The following LRRC37A3 variants were observed in gnomAD, a reference collection of about 807,000 sequenced individuals.
LRRC37A3 encodes the protein leucine rich repeat containing 37 member A3, also known as leucine-rich repeat-containing protein 37A3.
A neutral mutation model predicts 106.2 loss-of-function variants in LRRC37A3; 25 were observed. The observed-to-expected ratio is 0.24, with a 90% CI of 0.17 to 0.33. LRRC37A3 has a LOEUF of 0.33. Among genes scored for constraint, LRRC37A3 ranks in the 10% least tolerant of loss-of-function variants. The pLI is 1.00. For synonymous variants in LRRC37A3, 305 were observed against 635.8 expected, an observed-to-expected ratio of 0.48 and a Z score of 7.83; for missense variants, 712 against 1,644.9, an observed-to-expected ratio of 0.43 and a Z score of 9.81.
intron 10 of LRRC37A3, among the ~76,000 whole-genome samples, chr17:64,865,021 C>A (rs1404499568): frequency 6.6e-6 from 1 of 152,230 alleles, no homozygotes; most frequent in African/African-American, 2.4e-5. Flanking sequence ...TATAAAGGAA[C>A]AATCACAAGT....
At chr17:64,885,385 G>A (rs1300586763) in intron 8 of LRRC37A3, among the ~76,000 whole-genome samples, 2 of 150,870 alleles carry the variant, frequency 1.3e-5, no homozygotes, top group East Asian at 4.0e-4. Context: ...CGATAGCTAG[G>A]ATCACAGGTG....
chr17:64,867,769 TC>T (rs1051443330), intron 10 of LRRC37A3, among the ~76,000 whole-genome samples: 29 of 152,000 alleles, frequency 1.9e-4, no homozygotes, highest in African/African-American at 5.8e-4. Context: ...TAGCATAATC[TC>T]AAAAAAAATT....
Position 64,917,882 on chromosome 17 carries a change from C to T in LRRC37A3, c.-496+868G>A, listed in dbSNP as rs1974741997. On this transcript the variant is annotated intron_variant, in intron 2 of 14. Transcript: ENST00000584306. Reference sequence around the variant, plus strand: ...ACTCAGGAGGCTGAGACAGGAGAATCGCTTGAACCTGGGAAGCGGAGGTTG... The same window carrying T: ...ACTCAGGAGGCTGAGACAGGAGAATTGCTTGAACCTGGGAAGCGGAGGTTG... Among the ~76,000 whole-genome samples the T allele has an allele frequency of 2.0e-5, 3 of 147,722 alleles. No homozygotes were observed. In the South Asian group the frequency reaches 6.2e-4, roughly 31 times the overall value.
intron 11 of LRRC37A3, among the ~76,000 whole-genome samples, chr17:64,862,203 T>G (rs1051827987): frequency 6.6e-6 from 1 of 152,182 alleles, no homozygotes; most frequent in African/African-American, 2.4e-5. Flanking sequence ...GATACCTGTA[T>G]TCAAGCTATC....
At chr17:64,865,542 C>T (rs1261793998) in intron 10 of LRRC37A3, among the ~76,000 whole-genome samples, 2 of 152,204 alleles carry the variant, frequency 1.3e-5, no homozygotes, top group African/African-American at 4.8e-5. Flanking sequence ...ATAATGAACA[C>T]CTGTATAACT....
intron 2 of LRRC37A3, among the ~76,000 whole-genome samples, chr17:64,916,240 C>G (rs1047521690): frequency 4.6e-5 from 7 of 151,698 alleles, no homozygotes; most frequent in African/African-American, 1.7e-4. Context: ...CCCGTCTCTA[C>G]TAAAAATACA....
At chr17:64,883,525 G>C (rs1973771051) in intron 8 of LRRC37A3, among the ~76,000 whole-genome samples, 1 of 152,040 alleles carries the variant, frequency 6.6e-6, no homozygotes, top group African/African-American at 2.4e-5. Flanking sequence ...CTGTGCAAGT[G>C]AGAAGCCTGG....
chr17:64,861,454 C>G (rs1359879520), intron 11 of LRRC37A3, among the ~76,000 whole-genome samples: 18 of 152,188 alleles, frequency 1.2e-4, no homozygotes, highest in Admixed American at 1.2e-3. Context: ...CTGAGAGGAG[C>G]AGGGTGGAGA....
At chr17:64,876,591 T>G (rs71377789) in intron 8 of LRRC37A3, among the ~76,000 whole-genome samples, 1 of 152,222 alleles carries the variant, frequency 6.6e-6, no homozygotes. Context: ...TATACATATA[T>G]ACAATATATG....
chr17:64,919,285 G>A, intron 1 of LRRC37A3, 146 bp downstream of exon 1: 1 of 774,954 alleles, frequency 1.3e-6, no homozygotes, highest in East Asian at 4.0e-5. Flanking sequence ...AGGGAGAAGG[G>A]AAAGCGGCCG....
Position 64,859,955 on chromosome 17 carries a change from A to G in LRRC37A3, c.4191T>C (p.Phe1397=), listed in dbSNP as rs201735726. Reference sequence around the variant, plus strand: ...TGTTTTCCATAAAAACATTTTCTTCAAAGGCATTTCTTGCAGTTGTGTCTT... The same window carrying G: ...TGTTTTCCATAAAAACATTTTCTTCGAAGGCATTTCTTGCAGTTGTGTCTT... The part of the protein sequence containing the change: ...NTKDTTARNA[F]EENVFMENTN... Residue 1397 remains phenylalanine (F), a synonymous_variant, in exon 12 of 15, where the codon TTT becomes TTC. Transcript: ENST00000584306. The G allele has an allele frequency of 6.2e-6, 10 of 1,613,754 alleles. No individual in the cohort carries two copies. Among genetic ancestry groups the G allele is most frequent in the African/African-American group, 1.3e-5 (1 of 75,002 alleles).
intron 10 of LRRC37A3, chr17:64,863,445 T>A (rs1009268611): frequency 2.0e-5 from 4 of 199,170 alleles, no homozygotes; most frequent in Non-Finnish European, 4.1e-5. Flanking sequence ...AATAGCTTAG[T>A]TTAACCTGGA....
intron 2 of LRRC37A3, among the ~76,000 whole-genome samples, chr17:64,916,340 G>A (rs1306156442): frequency 6.6e-6 from 1 of 152,200 alleles, no homozygotes; most frequent in African/African-American, 2.4e-5. Context: ...GGGAGGGGGA[G>A]CTTGCAGTGA....
chr17:64,871,239 C>T (rs1973301556), intron 8 of LRRC37A3, among the ~76,000 whole-genome samples: 2 of 151,782 alleles, frequency 1.3e-5, no homozygotes, highest in East Asian at 3.9e-4. Context: ...ATGAGAATTA[C>T]AATTTCTCAT....
intron 13 of LRRC37A3, among the ~76,000 whole-genome samples, chr17:64,857,751 C>G (rs558415528): frequency 2.9e-4 from 44 of 152,050 alleles, no homozygotes; most frequent in Non-Finnish European, 5.1e-4. Context: ...CATAGGACTC[C>G]CACAGGCAGG....
At chr17:64,899,735 AG>A (rs1474705178) in intron 2 of LRRC37A3, 1 of 148,196 alleles carries the variant, frequency 6.7e-6, no homozygotes, top group Non-Finnish European at 1.5e-5. Flanking sequence ...AGTTCTAACA[AG>A]GCCTGTGTTC....
chr17:64,866,652 A>G (rs1466011733), intron 10 of LRRC37A3, among the ~76,000 whole-genome samples: 2 of 60,160 alleles, frequency 3.3e-5, no homozygotes, highest in African/African-American at 6.2e-5. Context: ...TTTTTTTTAG[A>G]CAGGGTCTTG....
intron 13 of LRRC37A3, 34 bp from the exon 14 acceptor site, chr17:64,855,923 A>G (rs1567759964): frequency 1.2e-6 from 2 of 1,611,572 alleles, no homozygotes; most frequent in Middle Eastern, 4.5e-4. Flanking sequence ...AAGATTATCT[A>G]TGACAACAAC....
chr17:64,918,199 AACTT>A (rs1440762881), intron 2 of LRRC37A3, among the ~76,000 whole-genome samples: 1 of 151,930 alleles, frequency 6.6e-6, no homozygotes, highest in Non-Finnish European at 1.5e-5. Context: ...AAAAAAAAAA[AACTT>A]AAACAGAAAA....
Sources: gnomAD v4.1 joint callset for allele counts (sites outside exome capture counted in the v4.1 genomes callset) on GRCh38, gnomAD v4.1.1 for gene constraint, MANE v1.5 for transcripts, NCBI Gene and HGNC (gene_info 2026-07-23, HGNC 2026-07-21) for gene names.